Variants in DYNC1I1 observed in about 807,000 individuals in gnomAD.
DYNC1I1 encodes the protein cytoplasmic dynein 1 intermediate chain 1.
DYNC1I1 carries 43 observed loss-of-function variants against 86.6 expected under a neutral mutation model. The ratio of observed to expected loss-of-function variants is 0.50; its 90% CI spans 0.39 to 0.64. The LOEUF is 0.64. DYNC1I1 is among the 30% of genes least tolerant of loss of function. The pLI is 0.00. For synonymous variants in DYNC1I1, 262 were observed against 283.7 expected (o/e 0.92, Z 0.77); for missense variants, 604 against 788.8 (o/e 0.77, Z 2.81).
intron 5 of DYNC1I1, among the ~76,000 whole-genome samples, chr7:95,869,678 C>T (rs1790109947): frequency 1.3e-5 from 2 of 152,148 alleles, no homozygotes. Flanking sequence ...CTGACATCAC[C>T]CAGCCTATTA....
intron 9 of DYNC1I1, among the ~76,000 whole-genome samples, chr7:95,987,429 C>T (rs1302651956): frequency 6.6e-6 from 1 of 152,156 alleles, no homozygotes; most frequent in Non-Finnish European, 1.5e-5. Context: ...CTTGTCAAAT[C>T]CTGTGGATAT....
chr7:95,982,319 A>G (rs1793477783), intron 7 of DYNC1I1, among the ~76,000 whole-genome samples: 1 of 152,100 alleles, frequency 6.6e-6, no homozygotes, highest in Non-Finnish European at 1.5e-5. Flanking sequence ...TTGCTTCTGT[A>G]GCATTTTAAT....
rs11452827 is a variant in DYNC1I1 at position 95,813,093 on chromosome 7, C to CTTT, written c.224-142_224-140dup. The CTTT allele has an allele frequency of 1.2e-3, 1,354 of 1,112,896 alleles. 3 individuals are homozygous for CTTT. The highest frequency in any genetic ancestry group is 2.8e-3 in the African/African-American group (160 of 56,812). The allele number at this position is 1,112,896 out of a possible 1,614,324, so 68.9% of individuals were successfully genotyped here. On this transcript the variant is annotated intron_variant, in intron 3 of 16. Transcript: ENST00000447467. The stretch of plus-strand genomic sequence containing the variant: ...CACTGGACTTTTTTCCTTTTCTTTC[C>CTTT]TTTTTTTTTTTTTTCTTTATCCCAT...
intron 6 of DYNC1I1, among the ~76,000 whole-genome samples, chr7:95,900,652 G>A (rs990033380): frequency 9.2e-5 from 14 of 152,112 alleles, no homozygotes; most frequent in Non-Finnish European, 1.9e-4. Context: ...GAAAATACGA[G>A]GGTTTGATCC....
At chr7:96,048,182 C>G (rs950222148) in intron 14 of DYNC1I1, among the ~76,000 whole-genome samples, 13 of 152,034 alleles carry the variant, frequency 8.6e-5, no homozygotes, top group Admixed American at 6.5e-5. Context: ...TGAGGACCAG[C>G]TGGGGCTAAA....
chr7:95,921,177 C>T (rs750637166), intron 6 of DYNC1I1, among the ~76,000 whole-genome samples: 8 of 152,092 alleles, frequency 5.3e-5, no homozygotes, highest in Non-Finnish European at 8.8e-5. Context: ...AAATATATTT[C>T]CTTTGAGGTG....
intron 14 of DYNC1I1, among the ~76,000 whole-genome samples, chr7:96,052,573 C>T (rs1789436606): frequency 6.6e-6 from 1 of 152,080 alleles, no homozygotes; most frequent in Admixed American, 6.6e-5. Context: ...ATGTTAAAAC[C>T]ATGCTAAGTA....
At chr7:95,790,227 T>C (rs529789170) in intron 1 of DYNC1I1, among the ~76,000 whole-genome samples, 8 of 152,330 alleles carry the variant, frequency 5.3e-5, no homozygotes. Context: ...ACATCCTGTG[T>C]CCTGTGTACC....
At chr7:95,837,951 T>C (rs550437299) in intron 5 of DYNC1I1, among the ~76,000 whole-genome samples, 2 of 152,342 alleles carry the variant, frequency 1.3e-5, no homozygotes, top group African/African-American at 4.8e-5. Flanking sequence ...CGCTGGGAAC[T>C]GTAGACCAGA....
intron 6 of DYNC1I1, among the ~76,000 whole-genome samples, chr7:95,946,320 T>C (rs75009549): frequency 0.033 from 5,041 of 152,106 alleles, 222 homozygotes; most frequent in African/African-American, 0.1. Context: ...ATTAAAAATA[T>C]ATATGGAGAG....
In DYNC1I1 at chr7:96,054,862, T is replaced by C. The variant is rs535710120; in HGVS notation, c.1509+15441T>C. On this transcript the variant is annotated intron_variant, in intron 14 of 16. Transcript: ENST00000447467. ...TTAAGTTCCTTGTAGATTCTGGATA[T>C]TAGCCCTTTGTCAGATGCATAGATT... Among the ~76,000 whole-genome samples the C allele has an allele frequency of 2.6e-5, 4 of 152,360 alleles. No homozygotes were observed. In the East Asian group the frequency reaches 7.7e-4, roughly 29 times the overall value.
intron 6 of DYNC1I1, among the ~76,000 whole-genome samples, chr7:95,927,951 T>A (rs1791788998): frequency 6.6e-6 from 1 of 152,196 alleles, no homozygotes; most frequent in Non-Finnish European, 1.5e-5. Context: ...TAGCAGCGTC[T>A]GTTTCACAGA....
At chr7:96,101,151 A>G (rs116493912), downstream of DYNC1I1, among the ~76,000 whole-genome samples, 903 of 152,288 alleles carry the variant, frequency 5.9e-3, 8 homozygotes, top group African/African-American at 0.021. Context: ...GACCAGCTAG[A>G]TCAGAGAGCA....
At chr7:95,963,281 C>T (rs1044385836) in intron 6 of DYNC1I1, among the ~76,000 whole-genome samples, 1 of 152,182 alleles carries the variant, frequency 6.6e-6, no homozygotes, top group Non-Finnish European at 1.5e-5. Flanking sequence ...CAGGCATTCT[C>T]TCTTCTGATG....
At chr7:95,976,952 G>A (rs1793320013) in intron 6 of DYNC1I1, among the ~76,000 whole-genome samples, 1 of 152,184 alleles carries the variant, frequency 6.6e-6, no homozygotes, top group Non-Finnish European at 1.5e-5. Context: ...CTCTGAATGT[G>A]TAAATACCAT....
intron 6 of DYNC1I1, among the ~76,000 whole-genome samples, chr7:95,959,637 T>C (rs750240412): frequency 6.6e-6 from 1 of 152,200 alleles, no homozygotes; most frequent in Non-Finnish European, 1.5e-5. Context: ...AGTTAAAACC[T>C]TCAATTGTAA....
intron 6 of DYNC1I1, among the ~76,000 whole-genome samples, chr7:95,910,243 A>C (rs1270464198): frequency 6.6e-6 from 1 of 152,052 alleles, no homozygotes; most frequent in Non-Finnish European, 1.5e-5. Flanking sequence ...TGTACCTTTC[A>C]TGTCATTCCC....
intron 15 of DYNC1I1, among the ~76,000 whole-genome samples, chr7:96,078,095 A>C (rs1264307792): frequency 1.3e-5 from 2 of 152,178 alleles, no homozygotes; most frequent in Non-Finnish European, 2.9e-5. Flanking sequence ...ATTTTTCTTA[A>C]AAATTAGATT....
At chr7:95,840,047 T>C (rs1470838930) in intron 5 of DYNC1I1, among the ~76,000 whole-genome samples, 1 of 145,782 alleles carries the variant, frequency 6.9e-6, no homozygotes, top group East Asian at 2.0e-4. Flanking sequence ...ATGTCCTTGG[T>C]TTGGGCATCT....
Sources: gnomAD v4.1 joint callset for allele counts (sites outside exome capture counted in the v4.1 genomes callset) on GRCh38, gnomAD v4.1.1 for gene constraint, MANE v1.5 for transcripts, NCBI Gene and HGNC (gene_info 2026-07-23, HGNC 2026-07-21) for gene names.